Variants in KCTD8 observed in about 807,000 individuals in gnomAD.
KCTD8 encodes the protein potassium channel tetramerization domain containing 8.
In KCTD8, 27 loss-of-function variants were observed where a neutral mutation model predicts 31.5. The observed-to-expected ratio is 0.86, with a 90% CI of 0.63 to 1.18. The LOEUF (loss-of-function observed/expected upper bound fraction) is 1.18, where lower values mean the gene tolerates loss of function less well. Ranked by LOEUF, KCTD8 falls within the 50% of genes most tolerant of loss-of-function variation. The pLI is 0.00. For missense variants in KCTD8, 658 were observed against 647.7 expected (o/e 1.02, Z -0.17); for synonymous variants, 290 against 280.0 (o/e 1.04, Z -0.36).
At chr4:44,261,807 G>A (rs547759471) in intron 1 of KCTD8, among the ~76,000 whole-genome samples, 2 of 152,052 alleles carry the variant, frequency 1.3e-5, no homozygotes, top group East Asian at 1.9e-4. Context: ...TAAGAAAATA[G>A]GAATTGTATA....
At chr4:44,397,621 T>C (rs776182124) in intron 1 of KCTD8, among the ~76,000 whole-genome samples, 12 of 152,300 alleles carry the variant, frequency 7.9e-5, no homozygotes, top group East Asian at 1.9e-4. Flanking sequence ...CAGTTGGCAA[T>C]AGTATTCCAT....
chr4:44,266,165 G>C (rs1232364954), intron 1 of KCTD8, among the ~76,000 whole-genome samples: 1 of 152,160 alleles, frequency 6.6e-6, no homozygotes, highest in Admixed American at 6.5e-5. Flanking sequence ...TACCCACAAA[G>C]GGAAGCCCAT....
At chr4:44,192,330 ATGTGCCCACAT>A (rs979117991) in intron 1 of KCTD8, among the ~76,000 whole-genome samples, 3 of 152,238 alleles carry the variant, frequency 2.0e-5, no homozygotes, top group Admixed American at 6.5e-5. Context: ...TAACAGGGTC[ATGTGCCCACAT>A]TCTTTAAGGC....
rs1721969933 is a variant in KCTD8 at position 44,447,432 on chromosome 4, G to C, written c.961+131C>G. ...ACTGCATAAGGGAATCGTGCAGGGA[G>C]AGCCGCTCTCTATAAGGAGTTAACC... On this transcript the variant is annotated intron_variant, in intron 1 of 1. Coordinates refer to ENST00000360029, the MANE Select transcript of KCTD8 (RefSeq NM_198353.3). The C allele has an allele frequency of 8.8e-6, 12 of 1,360,644 alleles. No homozygotes were observed. The South Asian group carries it at 1.7e-4, about 20-fold the overall frequency. The allele number at this position is 1,360,644 out of a possible 1,614,324, so 84.3% of individuals were successfully genotyped here.
chr4:44,325,345 T>C (rs534345350), intron 1 of KCTD8, among the ~76,000 whole-genome samples: 3 of 152,088 alleles, frequency 2.0e-5, no homozygotes, highest in African/African-American at 7.2e-5. Flanking sequence ...CTCTGAGACA[T>C]CTGAAAATTC....
intron 1 of KCTD8, among the ~76,000 whole-genome samples, chr4:44,252,848 A>C (rs1715881424): frequency 6.6e-6 from 1 of 151,720 alleles, no homozygotes. Context: ...TCAGTCTCAC[A>C]AATTGAAAAG....
At chr4:44,405,946 T>C (rs970925440) in intron 1 of KCTD8, among the ~76,000 whole-genome samples, 1 of 151,808 alleles carries the variant, frequency 6.6e-6, no homozygotes, top group African/African-American at 2.4e-5. Context: ...AGGGTACCCA[T>C]GCTAGAAGAC....
intron 1 of KCTD8, among the ~76,000 whole-genome samples, chr4:44,429,015 T>C (rs1721410073): frequency 1.3e-5 from 2 of 151,676 alleles, no homozygotes; most frequent in Admixed American, 1.3e-4. Context: ...CATTGCATCA[T>C]GGTGATGAGA....
intron 1 of KCTD8, among the ~76,000 whole-genome samples, chr4:44,191,680 GA>G (rs1398008396): frequency 1.3e-5 from 2 of 152,058 alleles, no homozygotes; most frequent in Non-Finnish European, 2.9e-5. Context: ...TTAGGGTGGG[GA>G]AAAAATCCCG....
chr4:44,236,755 G>A (rs916347902), intron 1 of KCTD8, among the ~76,000 whole-genome samples: 4 of 152,142 alleles, frequency 2.6e-5, no homozygotes, highest in Non-Finnish European at 5.9e-5. Flanking sequence ...TGGTTTGGCT[G>A]TGTCCTTACT....
At chr4:44,234,850 A>G (rs1402886092) in intron 1 of KCTD8, among the ~76,000 whole-genome samples, 1 of 152,326 alleles carries the variant, frequency 6.6e-6, no homozygotes, top group South Asian at 2.1e-4. Flanking sequence ...TTTAAACAGG[A>G]AAAGCAATTT....
intron 1 of KCTD8, among the ~76,000 whole-genome samples, chr4:44,427,086 T>C (rs1721367356): frequency 6.6e-6 from 1 of 151,544 alleles, no homozygotes; most frequent in African/African-American, 2.4e-5. Context: ...AAATTGAATA[T>C]ACATTTTAAA....
chr4:44,347,647 G>T (rs1476299228), intron 1 of KCTD8, among the ~76,000 whole-genome samples: 1 of 152,072 alleles, frequency 6.6e-6, no homozygotes, highest in Non-Finnish European at 1.5e-5. Flanking sequence ...CATAATTTTT[G>T]TATATGACCT....
intron 1 of KCTD8, among the ~76,000 whole-genome samples, chr4:44,324,179 A>C (rs1183925103): frequency 1.3e-5 from 2 of 152,010 alleles, no homozygotes; most frequent in Non-Finnish European, 2.9e-5. Context: ...AGGATAGGCC[A>C]GCCTGGTATG....
chr4:44,300,873 C>G (rs1194182747), intron 1 of KCTD8, among the ~76,000 whole-genome samples: 1 of 125,852 alleles, frequency 7.9e-6, no homozygotes, highest in East Asian at 2.8e-4. Flanking sequence ...CCCCTCCCCC[C>G]ACCCCACAAC....
At chr4:44,203,942 A>AT (rs758715901) in intron 1 of KCTD8, among the ~76,000 whole-genome samples, 117 of 152,052 alleles carry the variant, frequency 7.7e-4, no homozygotes, top group Non-Finnish European at 9.7e-4. Flanking sequence ...AGATTTAGTA[A>AT]TAAAAAAAAG....
intron 1 of KCTD8, among the ~76,000 whole-genome samples, chr4:44,382,315 A>G: frequency 6.6e-6 from 1 of 152,128 alleles, no homozygotes; most frequent in Non-Finnish European, 1.5e-5. Flanking sequence ...TCATGAAAAC[A>G]GCTCTCAACA....
intron 1 of KCTD8, among the ~76,000 whole-genome samples, chr4:44,358,957 G>C (rs1719427912): frequency 6.6e-6 from 1 of 152,116 alleles, no homozygotes; most frequent in South Asian, 2.1e-4. Context: ...TTTGCTGGCT[G>C]CATAAATATC....
chr4:44,249,312 A>G (rs1161779094), intron 1 of KCTD8, among the ~76,000 whole-genome samples: 1 of 151,854 alleles, frequency 6.6e-6, no homozygotes, highest in Non-Finnish European at 1.5e-5. Context: ...ATTATTAACA[A>G]GGCCTTTGAA....
Sources: gnomAD v4.1 joint callset for allele counts (sites outside exome capture counted in the v4.1 genomes callset) on GRCh38, gnomAD v4.1.1 for gene constraint, MANE v1.5 for transcripts, NCBI Gene and HGNC (gene_info 2026-07-23, HGNC 2026-07-21) for gene names.